Variants in PRKN observed in about 807,000 individuals in gnomAD.
The protein encoded by PRKN is parkin RBR E3 ubiquitin protein ligase.
In PRKN, 56 loss-of-function variants were observed where a neutral mutation model predicts 59.5. That is an observed-to-expected ratio of 0.94 (90% CI 0.76 to 1.18). The LOEUF is 1.18. Ranked by LOEUF, PRKN falls within the 50% of genes most tolerant of loss-of-function variation. The pLI is 0.00. For missense variants in PRKN, 657 were observed against 596.4 expected (o/e 1.10, Z -1.06); for synonymous variants, 250 against 222.1 (o/e 1.13, Z -1.12).
intron 7 of PRKN, among the ~76,000 whole-genome samples, chr6:161,605,900 G>T (rs1434259021): frequency 6.6e-6 from 1 of 152,120 alleles, no homozygotes; most frequent in Non-Finnish European, 1.5e-5. Flanking sequence ...GTATCAGCCA[G>T]AGGAGAAAAT....
intron 1 of PRKN, among the ~76,000 whole-genome samples, chr6:162,663,219 C>T (rs1450796106): frequency 1.3e-5 from 2 of 152,140 alleles, no homozygotes; most frequent in African/African-American, 4.8e-5. Flanking sequence ...TCTTCCAATG[C>T]TCACAATAAC....
chr6:161,848,509 C>T (rs1343624220), intron 6 of PRKN, among the ~76,000 whole-genome samples: 2 of 152,076 alleles, frequency 1.3e-5, no homozygotes, highest in Non-Finnish European at 2.9e-5. Context: ...TTCTTCTTAC[C>T]TCATCTGATT....
chr6:162,317,917 T>A (rs959607644), intron 2 of PRKN, among the ~76,000 whole-genome samples: 1 of 151,880 alleles, frequency 6.6e-6, no homozygotes, highest in African/African-American at 2.4e-5. Flanking sequence ...CATGGTAAAA[T>A]ATATATATAA....
chr6:162,461,499 C>CAAAGAAAAAAAAAAAAAA (rs1791166266), intron 1 of PRKN, among the ~76,000 whole-genome samples: 1 of 36,516 alleles, frequency 2.7e-5, no homozygotes, highest in African/African-American at 1.0e-4. Flanking sequence ...TAAAGTGTCT[C>CAAAGAAAAAAAAAAAAAA]AAAAAAAAAA....
intron 4 of PRKN, among the ~76,000 whole-genome samples, chr6:162,178,143 T>C (rs1187465637): frequency 1.3e-5 from 2 of 152,212 alleles, no homozygotes; most frequent in Non-Finnish European, 2.9e-5. Flanking sequence ...GTAGGACTTT[T>C]AGAAATAGAG....
intron 4 of PRKN, among the ~76,000 whole-genome samples, chr6:162,153,138 C>G (rs1782346043): frequency 6.6e-6 from 1 of 152,340 alleles, no homozygotes; most frequent in African/African-American, 2.4e-5. Context: ...CTTCACAGGA[C>G]CTGTGACAGA....
At position 161,373,601 on chromosome 6, in the gene PRKN, G is replaced by A. The variant is rs1419073202; in HGVS notation, c.1167+13193C>T. 7.8e-6 allele frequency among the ~76,000 whole-genome samples: 1 copy of A among 128,358 alleles called. No homozygotes were observed. The highest frequency in any genetic ancestry group is 2.8e-5 in the African/African-American group (1 of 35,562). 84.2% of individuals were successfully genotyped at this position (128,358 alleles called of 152,430 possible). On this transcript the variant is annotated intron_variant, in intron 10 of 11. Transcript: ENST00000366898. The surrounding 1 kb of genome is among the most constrained non-coding windows in gnomAD (Gnocchi z 4.8). ...TGCTATACCTCTGTGCTTTGCAGGG[G>A]TGATGAGTTAAATGGCCATGCCTCT...
chr6:162,150,468 A>T (rs1381748936), intron 4 of PRKN, among the ~76,000 whole-genome samples: 1 of 152,210 alleles, frequency 6.6e-6, no homozygotes, highest in Non-Finnish European at 1.5e-5. Context: ...GCTCTAGAGC[A>T]CAGAGCCCCT....
chr6:161,518,615 C>T lies in PRKN; in HGVS notation c.1083+30239G>A, dbSNP rs11965303. ...TGGTTCAATGTTAATGCCACGGCCT[C>T]CCCCTAGCAGCACAAGCCCAGCCTC... On this transcript the variant is annotated intron_variant, in intron 9 of 11. Transcript: ENST00000366898. This position sits in a 1 kb window ranked among gnomAD's most constrained non-coding sequence, Gnocchi z 5.0. 0.088 allele frequency among the ~76,000 whole-genome samples: 13,397 copies of T among 152,228 alleles called. 711 individuals carry two copies. Among genetic ancestry groups the T allele is most frequent in the African/African-American group, 0.16 (6,508 of 41,514 alleles).
At chr6:162,169,717 C>G (rs1006667173) in intron 4 of PRKN, among the ~76,000 whole-genome samples, 2 of 152,212 alleles carry the variant, frequency 1.3e-5, no homozygotes, top group African/African-American at 4.8e-5. Context: ...CTTTTAGTGA[C>G]TCAGTTGTTA....
chr6:162,628,553 A>G (rs1005240870), intron 1 of PRKN, among the ~76,000 whole-genome samples: 2 of 151,942 alleles, frequency 1.3e-5, no homozygotes, highest in Admixed American at 1.3e-4. Flanking sequence ...GAAGATCTCT[A>G]TGTGAAATAG....
chr6:161,658,507 T>C (rs1348537626), intron 7 of PRKN, among the ~76,000 whole-genome samples: 2 of 152,240 alleles, frequency 1.3e-5, no homozygotes, highest in Non-Finnish European at 2.9e-5. Context: ...GAGTGTACTT[T>C]AGAGGAATTC....
intron 2 of PRKN, among the ~76,000 whole-genome samples, chr6:162,297,176 T>TTTC (rs1245173253): frequency 6.7e-6 from 1 of 148,178 alleles, no homozygotes; most frequent in African/African-American, 2.5e-5. Flanking sequence ...TTTCTTTTCT[T>TTTC]TTTTTTTTTT....
chr6:162,573,108 T>A (rs575625861), intron 1 of PRKN, among the ~76,000 whole-genome samples: 1 of 152,320 alleles, frequency 6.6e-6, no homozygotes, highest in South Asian at 2.1e-4. Flanking sequence ...ACTTTCTGGG[T>A]GCTCCATTTT....
intron 6 of PRKN, among the ~76,000 whole-genome samples, chr6:161,791,977 G>A (rs1211317078): frequency 6.6e-6 from 1 of 152,216 alleles, no homozygotes; most frequent in African/African-American, 2.4e-5. Context: ...TCTGAGGAAA[G>A]CGAGCAGCCA....
intron 1 of PRKN, among the ~76,000 whole-genome samples, chr6:162,680,723 A>C (rs1332465960): frequency 1.3e-5 from 2 of 152,176 alleles, no homozygotes; most frequent in Non-Finnish European, 2.9e-5. Flanking sequence ...CTCTATTGAA[A>C]ACACTTTTAT....
chr6:162,398,740 C>T (rs906980185), intron 2 of PRKN, among the ~76,000 whole-genome samples: 1 of 152,130 alleles, frequency 6.6e-6, no homozygotes, highest in East Asian at 1.9e-4. Context: ...TTCAGGGAAA[C>T]AAATATGCAA....
intron 9 of PRKN, among the ~76,000 whole-genome samples, chr6:161,392,279 G>A (rs1449058356): frequency 6.6e-6 from 1 of 151,736 alleles, no homozygotes; most frequent in Non-Finnish European, 1.5e-5. Flanking sequence ...AGCTACTTGG[G>A]AGGCTGAGGC....
intron 9 of PRKN, among the ~76,000 whole-genome samples, chr6:161,453,911 T>C (rs1207614753): frequency 6.6e-6 from 1 of 152,084 alleles, no homozygotes; most frequent in Non-Finnish European, 1.5e-5. Flanking sequence ...AGTTGAATTC[T>C]TCAGAGGGAA....
Sources: allele counts gnomAD v4.1 joint callset (sites outside exome capture counted in the v4.1 genomes callset), GRCh38; gene constraint gnomAD v4.1.1; non-coding constraint Gnocchi (gnomAD v3.1); transcripts MANE v1.5; gene names NCBI Gene and HGNC (gene_info 2026-07-23, HGNC 2026-07-21).